The following PLCL2 variants were observed in gnomAD, a reference collection of about 807,000 sequenced individuals.
The protein encoded by PLCL2 is phospholipase C like 2, also known as inactive phospholipase C-like protein 2.
In PLCL2, 4 loss-of-function variants were observed where a neutral mutation model predicts 79.6. The ratio of observed to expected loss-of-function variants is 0.05; its 90% CI spans 0.02 to 0.11. PLCL2 has a LOEUF of 0.11. PLCL2 is among the 10% of genes least tolerant of loss of function. PLCL2 has a pLI of 1.00. For missense variants in PLCL2, 895 were observed against 1,291.0 expected (o/e 0.69, Z 4.70); for synonymous variants, 484 against 457.7 (o/e 1.06, Z -0.73).
chr3:16,905,885 G>A (rs1302002374), intron 1 of PLCL2, among the ~76,000 whole-genome samples: 2 of 152,172 alleles, frequency 1.3e-5, no homozygotes, highest in Non-Finnish European at 2.9e-5. Context: ...AAATGGAGTA[G>A]GTGTTGATGA....
At chr3:16,967,049 T>G (rs1209621091) in intron 1 of PLCL2, among the ~76,000 whole-genome samples, 2 of 152,128 alleles carry the variant, frequency 1.3e-5, no homozygotes, top group Admixed American at 1.3e-4. Flanking sequence ...TTAGTTTGCT[T>G]AGGATAATGG....
At chr3:16,892,324 C>T (rs975506879) in intron 1 of PLCL2, among the ~76,000 whole-genome samples, 2 of 152,092 alleles carry the variant, frequency 1.3e-5, no homozygotes, top group African/African-American at 4.8e-5. Flanking sequence ...ATGATTGCTC[C>T]CTTTTGTGCC....
chr3:17,019,964 T>C (rs2064430153), intron 3 of PLCL2, among the ~76,000 whole-genome samples: 1 of 152,334 alleles, frequency 6.6e-6, no homozygotes, highest in East Asian at 1.9e-4. Context: ...CTCTTCATAG[T>C]ACACAGTGTT....
chr3:16,960,820 G>T (rs1440479885), intron 1 of PLCL2, among the ~76,000 whole-genome samples: 1 of 152,116 alleles, frequency 6.6e-6, no homozygotes, highest in African/African-American at 2.4e-5. Context: ...CTTACTTTAA[G>T]CTTAAGAGTG....
At position 16,980,395 on chromosome 3, in the gene PLCL2, C is replaced by T. The variant is rs541619995; in HGVS notation, c.328-29279C>T. ...CTTCTCAGACAGGGCGGCTGCCGGC[C>T]GGAGGGGCTCCTCACTTCTCAGACG... On this transcript the variant is annotated intron_variant, in intron 1 of 5. Transcript: ENST00000615277. 3.3e-3 allele frequency among the ~76,000 whole-genome samples: 483 copies of T among 148,020 alleles called. 3 individuals carry two copies. The highest frequency in any genetic ancestry group is 0.011 in the African/African-American group (430 of 40,156).
chr3:17,010,187 G>A lies in PLCL2; in HGVS notation c.841G>A (p.Val281Ile), dbSNP rs2064305812. The stretch of plus-strand genomic sequence containing the variant: ...TTCACAAATGTTTAGTGAAATTGAT[G>A]TAGATAACCTTGGACATATAACTCT... Reference protein sequence around the residue: ...WVSQMFSEIDVDNLGHITLCN... With the variant: ...WVSQMFSEIDIDNLGHITLCN... The change falls in exon 2 of 6, where the codon GTA becomes ATA. Residue 281 changes from valine (V) to isoleucine (I), a missense_variant. Around this residue, in one of 6 missense-constraint regions of PLCL2, gnomAD observed 93 missense variants for 93.2 expected, o/e 1.00. Coordinates refer to ENST00000615277, the MANE Select transcript of PLCL2 (RefSeq NM_001144382.2). The surrounding 1 kb of genome is among the most constrained non-coding windows in gnomAD (Gnocchi z 5.8). 3 of 1,613,880 alleles carry A rather than the reference G, an allele frequency of 1.9e-6. No homozygotes were observed. The highest frequency in any genetic ancestry group is 1.7e-5 in the Admixed American group (1 of 59,998).
intron 1 of PLCL2, among the ~76,000 whole-genome samples, chr3:16,898,003 T>C (rs78621072): frequency 1.1e-3 from 169 of 152,124 alleles, no homozygotes; most frequent in African/African-American, 4.0e-3. Context: ...TTTTTTTCTC[T>C]TCCACATTGA....
chr3:17,087,002 A>C (rs1415622679), intron 5 of PLCL2, among the ~76,000 whole-genome samples: 1 of 152,236 alleles, frequency 6.6e-6, no homozygotes, highest in African/African-American at 2.4e-5. Flanking sequence ...ACATCACCAA[A>C]TGCTGGCGAG....
At chr3:16,994,758 G>T (rs934301099) in intron 1 of PLCL2, among the ~76,000 whole-genome samples, 1 of 152,090 alleles carries the variant, frequency 6.6e-6, no homozygotes, top group African/African-American at 2.4e-5. Context: ...TTTAGCTTCT[G>T]ACATCCCCCT....
At chr3:16,908,022 G>C (rs1348109) in intron 1 of PLCL2, among the ~76,000 whole-genome samples, 1 of 151,820 alleles carries the variant, frequency 6.6e-6, no homozygotes, top group Non-Finnish European at 1.5e-5. Context: ...ATACTGTGTG[G>C]GCTGATTTGA....
At chr3:16,891,064 T>C (rs1381834423) in intron 1 of PLCL2, among the ~76,000 whole-genome samples, 1 of 152,212 alleles carries the variant, frequency 6.6e-6, no homozygotes, top group Admixed American at 6.5e-5. Context: ...TTTTAGCTAG[T>C]AATCTCAGCT....
intron 5 of PLCL2, among the ~76,000 whole-genome samples, chr3:17,070,274 G>A (rs2065049794): frequency 6.6e-6 from 1 of 152,264 alleles, no homozygotes; most frequent in South Asian, 2.1e-4. Flanking sequence ...AGTTTGAGAA[G>A]CACTGGGCTG....
At chr3:17,022,595 C>T (rs2064467969) in intron 3 of PLCL2, among the ~76,000 whole-genome samples, 1 of 152,206 alleles carries the variant, frequency 6.6e-6, no homozygotes, top group African/African-American at 2.4e-5. Flanking sequence ...GGTCAACTGG[C>T]AGTTTCCAAA....
At position 16,885,324 on chromosome 3, in the gene PLCL2, G is replaced by T. The variant is rs541050122; in HGVS notation, c.285G>T (p.Glu95Asp). 10 of 660,932 alleles carry T rather than the reference G, an allele frequency of 1.5e-5. No homozygotes were observed. The highest frequency in any genetic ancestry group is 1.5e-4 in the African/African-American group (8 of 54,234). The allele number at this position is 660,932 out of a possible 1,614,324, so 40.9% of individuals were successfully genotyped here. The change falls in exon 1 of 6, where the codon GAG becomes GAT. Residue 95 changes from glutamate to aspartate, a missense_variant. Around this residue, in one of 6 missense-constraint regions of PLCL2, gnomAD observed 110 missense variants for 42.9 expected, o/e 2.56. Coordinates refer to ENST00000615277, the MANE Select transcript of PLCL2 (RefSeq NM_001144382.2). ...CGGTCGTCTGTACCCTCCCCCGGGAGAGCAAGCCGGGCGGCCTGCCCCGCC... is the reference window on the plus strand; with the variant it reads ...CGGTCGTCTGTACCCTCCCCCGGGATAGCAAGCCGGGCGGCCTGCCCCGCC... ...PSAVVCTLPR[E>D]SKPGGLPRRS...
Position 17,010,174 on chromosome 3 carries a change from T to C in PLCL2, c.828T>C (p.Phe276=). Reference sequence around the variant, plus strand: ...GGACTTCTTGGGTTTCACAAATGTTTAGTGAAATTGATGTAGATAACCTTG... The same window carrying C: ...GGACTTCTTGGGTTTCACAAATGTTCAGTGAAATTGATGTAGATAACCTTG... ...NMRTSWVSQM[F]SEIDVDNLGH... Residue 276 remains phenylalanine (F), a synonymous_variant, in exon 2 of 6, where the codon TTT becomes TTC. Transcript: ENST00000615277. The surrounding 1 kb of genome is among the most constrained non-coding windows in gnomAD (Gnocchi z 5.8). The C allele has an allele frequency of 2.5e-6, 4 of 1,613,932 alleles. No homozygotes were observed. The highest frequency in any genetic ancestry group is 3.4e-6 in the Non-Finnish European group (4 of 1,179,798).
intron 1 of PLCL2, among the ~76,000 whole-genome samples, chr3:16,930,183 G>C (rs1251541437): frequency 6.6e-6 from 1 of 152,200 alleles, no homozygotes; most frequent in Non-Finnish European, 1.5e-5. Flanking sequence ...ATGTGGGTTA[G>C]AGTATGTTTT....
intron 4 of PLCL2, among the ~76,000 whole-genome samples, chr3:17,066,090 G>A (rs2065008953): frequency 6.6e-6 from 1 of 152,320 alleles, no homozygotes; most frequent in South Asian, 2.1e-4. Context: ...CACACTCCAG[G>A]GAGTCTCCCG....
At position 17,089,882 on chromosome 3, in the gene PLCL2, C is replaced by T. The variant is rs149144281; in HGVS notation, c.3354C>T (p.Pro1118=). ...CACGCCGGAGCTTGGAAGTCATACCCGAAAAAGCAAACGATGAAACTGGAG... is the reference window on the plus strand; with the variant it reads ...CACGCCGGAGCTTGGAAGTCATACCTGAAAAAGCAAACGATGAAACTGGAG... ...QKPRRSLEVI[P]EKANDETGE is the part of the protein sequence containing the mutation. The change falls in exon 6 of 6, where the codon CCC becomes CCT. Residue 1118 remains proline (P), a synonymous_variant. Transcript: ENST00000615277. 2,222 of 1,612,622 alleles carry T rather than the reference C, an allele frequency of 1.4e-3. 23 individuals carry two copies. The African/African-American group carries it at 0.019, about 14-fold the overall frequency.
intron 1 of PLCL2, among the ~76,000 whole-genome samples, chr3:16,916,383 T>G (rs1369745153): frequency 6.6e-6 from 1 of 152,072 alleles, no homozygotes; most frequent in Non-Finnish European, 1.5e-5. Context: ...ACTGAGAGTA[T>G]CCTCCCTCCA....
Sources: allele counts gnomAD v4.1 joint callset (sites outside exome capture counted in the v4.1 genomes callset), GRCh38; gene constraint gnomAD v4.1.1; regional missense constraint gnomAD v4.1.1; non-coding constraint Gnocchi (gnomAD v3.1); transcripts MANE v1.5; gene names NCBI Gene and HGNC (gene_info 2026-07-23, HGNC 2026-07-21).